Variants in MACROD2 observed in about 807,000 individuals in gnomAD.
MACROD2 encodes ADP-ribose glycohydrolase MACROD2.
MACROD2 carries 36 observed loss-of-function variants against 70.4 expected under a neutral mutation model. The observed-to-expected ratio is 0.51, with a 90% confidence interval of 0.39 to 0.68. The LOEUF (loss-of-function observed/expected upper bound fraction) is 0.68, where lower values mean the gene tolerates loss of function less well. MACROD2 is among the 30% of genes least tolerant of loss of function. MACROD2 has a pLI of 0.00. For missense variants in MACROD2, 496 were observed against 538.4 expected, an observed-to-expected ratio of 0.92 and a Z score of 0.78; for synonymous variants, 172 against 178.8, an observed-to-expected ratio of 0.96 and a Z score of 0.30.
rs201795080 is a variant in MACROD2, at chr20:14,244,868, G to GT, written c.271+159141dup. The stretch of plus-strand genomic sequence containing the variant: ...GAAAAGATTAATCTGGTTACTAGCC[G>GT]TAAGTGTTAATGTAATATTCTTGTA... On this transcript the variant is annotated intron_variant, in intron 3 of 17. Transcript: ENST00000684519. Among the ~76,000 whole-genome samples, 1,310 of 152,260 alleles carry GT rather than the reference G, an allele frequency of 8.6e-3. 6 individuals carry two copies. The highest frequency in any genetic ancestry group is 0.015 in the South Asian group (72 of 4,828).
At chr20:14,460,114 C>T (rs1004245940) in intron 3 of MACROD2, among the ~76,000 whole-genome samples, 1 of 152,086 alleles carries the variant, frequency 6.6e-6, no homozygotes, top group East Asian at 1.9e-4. Context: ...TTTTCTTTAT[C>T]CAGTCTATCA....
chr20:15,254,294 TAATCAAAAAGGAA>T (rs2077180000), intron 6 of MACROD2, among the ~76,000 whole-genome samples: 1 of 152,170 alleles, frequency 6.6e-6, no homozygotes, highest in African/African-American at 2.4e-5. Context: ...TCAGTACTTT[TAATCAAAAAGGAA>T]AATCAAAGCG....
At chr20:14,972,689 C>A (rs2074702436) in intron 5 of MACROD2, among the ~76,000 whole-genome samples, 1 of 152,142 alleles carries the variant, frequency 6.6e-6, no homozygotes, top group Non-Finnish European at 1.5e-5. Context: ...GATTCTACTT[C>A]AATTCCAGGG....
At chr20:15,730,593 C>T (rs1407064098) in intron 8 of MACROD2, among the ~76,000 whole-genome samples, 2 of 151,614 alleles carry the variant, frequency 1.3e-5, no homozygotes, top group East Asian at 3.9e-4. Context: ...TGTGACCTGC[C>T]CCTTCTCTCT....
chr20:14,594,606 AAAG>A (rs1217998512), intron 4 of MACROD2, among the ~76,000 whole-genome samples: 1 of 152,212 alleles, frequency 6.6e-6, no homozygotes, highest in East Asian at 1.9e-4. Context: ...TAGAAAATAC[AAAG>A]AAGACTGGGC....
At chr20:14,504,557 C>T (rs2084948859) in intron 4 of MACROD2, among the ~76,000 whole-genome samples, 1 of 152,066 alleles carries the variant, frequency 6.6e-6, no homozygotes. Context: ...TTTTTCTGGG[C>T]AACAGATTTT....
intron 2 of MACROD2, among the ~76,000 whole-genome samples, chr20:14,012,788 G>A (rs975322677): frequency 4.6e-5 from 7 of 152,168 alleles, no homozygotes; most frequent in Admixed American, 2.6e-4. Context: ...GACTGTTTAC[G>A]CAGAGGTGTT....
chr20:14,883,659 C>T (rs1292826615), intron 5 of MACROD2, among the ~76,000 whole-genome samples: 6 of 152,080 alleles, frequency 3.9e-5, no homozygotes, highest in African/African-American at 1.4e-4. Context: ...TACCTGGCTG[C>T]ATCTGTCACA....
rs1986279894 is a variant in MACROD2 at position 14,662,585 on chromosome 20, T to G, written c.302-22258T>G. ...AATGGGAGAAAATGTTTGCAAACTATGCATCTGACAAAGGTCTAATAATCA... is the reference window on the plus strand; with the variant it reads ...AATGGGAGAAAATGTTTGCAAACTAGGCATCTGACAAAGGTCTAATAATCA... On this transcript the variant is annotated intron_variant, in intron 4 of 17. Coordinates refer to ENST00000684519, the MANE Select transcript of MACROD2 (RefSeq NM_001351661.2). 1.3e-5 allele frequency among the ~76,000 whole-genome samples: 2 copies of G among 152,174 alleles called. 1 individual carries two copies. The highest frequency in any genetic ancestry group is 1.3e-4 in the Admixed American group (2 of 15,274).
chr20:15,394,231 A>C (rs1355149213), intron 6 of MACROD2, among the ~76,000 whole-genome samples: 2 of 152,254 alleles, frequency 1.3e-5, no homozygotes, highest in Non-Finnish European at 1.5e-5. Flanking sequence ...TTATGAAAAA[A>C]CATTTTCTGT....
intron 5 of MACROD2, among the ~76,000 whole-genome samples, chr20:15,084,985 G>T (rs1276503202): frequency 1.3e-5 from 2 of 152,248 alleles, no homozygotes; most frequent in South Asian, 4.1e-4. Context: ...GAAGAACAAA[G>T]TTGTAGGACT....
At chr20:14,887,087 T>A (rs2073686374) in intron 5 of MACROD2, among the ~76,000 whole-genome samples, 1 of 152,154 alleles carries the variant, frequency 6.6e-6, no homozygotes, top group South Asian at 2.1e-4. Flanking sequence ...AAAATAGCCA[T>A]ATCATAGTAT....
At chr20:15,676,045 A>C (rs2050052638) in intron 8 of MACROD2, among the ~76,000 whole-genome samples, 1 of 152,220 alleles carries the variant, frequency 6.6e-6, no homozygotes. Context: ...CAATGAAGGA[A>C]GCAATTTGCT....
chr20:15,853,201 C>T (rs1055643457), intron 8 of MACROD2, among the ~76,000 whole-genome samples: 1 of 151,990 alleles, frequency 6.6e-6, no homozygotes, highest in Non-Finnish European at 1.5e-5. Flanking sequence ...TTTTAGGTAC[C>T]TTATGAATAA....
intron 8 of MACROD2, among the ~76,000 whole-genome samples, chr20:15,774,644 G>A (rs1283176221): frequency 6.6e-6 from 1 of 152,118 alleles, no homozygotes. Flanking sequence ...AGGAGCACTG[G>A]CCAGGGAGGG....
intron 8 of MACROD2, among the ~76,000 whole-genome samples, chr20:15,732,235 A>G (rs1229051682): frequency 6.6e-6 from 1 of 151,980 alleles, no homozygotes; most frequent in Non-Finnish European, 1.5e-5. Context: ...TCTTTACTTT[A>G]AAGCCACTGT....
intron 8 of MACROD2, among the ~76,000 whole-genome samples, chr20:15,670,780 C>T (rs1284258288): frequency 6.6e-6 from 1 of 152,058 alleles, no homozygotes; most frequent in Non-Finnish European, 1.5e-5. Context: ...TCATATGTAT[C>T]GAATATCATT....
At chr20:15,519,695 A>G (rs2047624322) in intron 8 of MACROD2, among the ~76,000 whole-genome samples, 1 of 152,200 alleles carries the variant, frequency 6.6e-6, no homozygotes, top group Non-Finnish European at 1.5e-5. Flanking sequence ...CAAATGAGTA[A>G]AGTGCGAAGT....
At chr20:16,047,290 C>G (rs1355229932) in intron 17 of MACROD2, among the ~76,000 whole-genome samples, 1 of 152,134 alleles carries the variant, frequency 6.6e-6, no homozygotes, top group Non-Finnish European at 1.5e-5. Flanking sequence ...AATTAGAGAG[C>G]TCAAAGACAT....
Sources: gnomAD v4.1 joint callset for allele counts (sites outside exome capture counted in the v4.1 genomes callset) on GRCh38, gnomAD v4.1.1 for gene constraint, MANE v1.5 for transcripts, NCBI Gene and HGNC (gene_info 2026-07-23, HGNC 2026-07-21) for gene names.